Variants in RASGRF2 observed in about 807,000 individuals in gnomAD.
RASGRF2 encodes ras-specific guanine nucleotide-releasing factor 2.
In RASGRF2, 76 loss-of-function variants were observed where a neutral mutation model predicts 151.0. The observed-to-expected ratio is 0.50, with a 90% CI of 0.42 to 0.61. The LOEUF is 0.61. RASGRF2 is among the 20% of genes least tolerant of loss of function. RASGRF2 has a pLI of 0.00. For synonymous variants in RASGRF2, 504 were observed against 566.5 expected, an observed-to-expected ratio of 0.89 and a Z score of 1.57; for missense variants, 1,148 against 1,564.6, an observed-to-expected ratio of 0.73 and a Z score of 4.49.
intron 2 of RASGRF2, among the ~76,000 whole-genome samples, chr5:81,055,719 T>C (rs932288430): frequency 1.3e-5 from 2 of 152,192 alleles, no homozygotes; most frequent in African/African-American, 4.8e-5. Context: ...CAGCTCCTCT[T>C]TGTACCTCTG....
chr5:81,150,087 G>C (rs1276888111), intron 17 of RASGRF2, among the ~76,000 whole-genome samples: 2 of 152,186 alleles, frequency 1.3e-5, no homozygotes, highest in African/African-American at 4.8e-5. Flanking sequence ...CTGATTGCTG[G>C]TGTCTGGTGA....
At chr5:80,985,144 G>A (rs1452343234) in intron 1 of RASGRF2, among the ~76,000 whole-genome samples, 4 of 152,096 alleles carry the variant, frequency 2.6e-5, no homozygotes, top group East Asian at 3.9e-4. Context: ...CCTGGGATGC[G>A]GAGATTGCAG....
At chr5:81,052,917 TTTTC>T (rs895062899) in intron 2 of RASGRF2, among the ~76,000 whole-genome samples, 1 of 152,092 alleles carries the variant, frequency 6.6e-6, no homozygotes, top group Non-Finnish European at 1.5e-5. Flanking sequence ...TAGGTGGAGT[TTTTC>T]TTTCTTTCTT....
At chr5:80,989,366 T>G (rs1327786896) in intron 1 of RASGRF2, among the ~76,000 whole-genome samples, 2 of 152,220 alleles carry the variant, frequency 1.3e-5, no homozygotes, top group Non-Finnish European at 1.5e-5. Context: ...TGAAGTCAGT[T>G]GTATAAAGCC....
intron 17 of RASGRF2, among the ~76,000 whole-genome samples, chr5:81,133,816 C>G (rs758159890): frequency 6.6e-6 from 1 of 152,150 alleles, no homozygotes; most frequent in Non-Finnish European, 1.5e-5. Context: ...GAATCTTTTA[C>G]TGGTAGTTAC....
At chr5:80,971,660 G>A (rs1464430344) in intron 1 of RASGRF2, among the ~76,000 whole-genome samples, 1 of 151,614 alleles carries the variant, frequency 6.6e-6, no homozygotes, top group Admixed American at 6.6e-5. Flanking sequence ...TGACGTCCTG[G>A]GCTCAAGTGA....
chr5:81,008,139 CTTTTTTTTTTTTTTTTTTT>C (rs58105434), intron 1 of RASGRF2, among the ~76,000 whole-genome samples: 1 of 85,388 alleles, frequency 1.2e-5, no homozygotes, highest in Non-Finnish European at 2.2e-5. Flanking sequence ...TCTTTCTTTC[CTTTTTTTTTTTTTTTTTTT>C]TTTTTTTTTT....
rs369530844 is a variant in RASGRF2 at position 81,183,467 on chromosome 5, G to A, written c.2793+3186G>A. On this transcript the variant is annotated intron_variant, in intron 18 of 26. Coordinates refer to ENST00000265080, the MANE Select transcript of RASGRF2 (RefSeq NM_006909.3). The stretch of plus-strand genomic sequence containing the variant: ...CTCTACCCCATGTGGTGCTAGGATA[G>A]CATTTCATCTTCTGGAGCCTTCTAG... Among the ~76,000 whole-genome samples the A allele has an allele frequency of 2.6e-5, 4 of 152,260 alleles. No homozygotes were observed. The South Asian group carries it at 8.3e-4, about 32-fold the overall frequency.
chr5:81,193,935 A>G (rs1445059573), intron 18 of RASGRF2, among the ~76,000 whole-genome samples: 1 of 152,188 alleles, frequency 6.6e-6, no homozygotes, highest in African/African-American at 2.4e-5. Context: ...TAACTGTCTG[A>G]CCTTGGATAA....
chr5:81,097,412 G>A (rs997198466), intron 12 of RASGRF2, among the ~76,000 whole-genome samples: 21 of 152,278 alleles, frequency 1.4e-4, no homozygotes, highest in African/African-American at 4.8e-4. Flanking sequence ...ATATCATGAA[G>A]AAAAGAGACA....
At chr5:81,202,975 T>G (rs1755430711) in intron 19 of RASGRF2, among the ~76,000 whole-genome samples, 1 of 152,402 alleles carries the variant, frequency 6.6e-6, no homozygotes, top group Admixed American at 6.5e-5. Flanking sequence ...TCTGTTGTTT[T>G]AAGCCACCCA....
At chr5:81,016,110 A>AGAGAGCTGG (rs1385797646) in intron 1 of RASGRF2, among the ~76,000 whole-genome samples, 1 of 152,204 alleles carries the variant, frequency 6.6e-6, no homozygotes, top group Non-Finnish European at 1.5e-5. Flanking sequence ...CAAGTAAATG[A>AGAGAGCTGG]GAGAGCTGGG....
chr5:81,136,289 G>T (rs559932173), intron 17 of RASGRF2, among the ~76,000 whole-genome samples: 1 of 151,836 alleles, frequency 6.6e-6, no homozygotes, highest in Non-Finnish European at 1.5e-5. Flanking sequence ...TTTTCTCTGC[G>T]TAAAGAACTT....
Position 81,092,913 on chromosome 5 carries a change from C to T in RASGRF2, c.1503C>T (p.His501=). ...GACAATGCTTCTTATTTACAAAACA[C>T]TTTTTAATATGTACAAGAAGTTCAG... ...GERQCFLFTK[H]FLICTRSSGG... Residue 501 remains histidine, a synonymous_variant, in exon 10 of 27, where the codon CAC becomes CAT. Transcript: ENST00000265080. 6.2e-7 allele frequency: 1 copy of T among 1,613,156 alleles called. No individual in the cohort carries two copies.
chr5:81,061,785 C>T (rs1751441034), intron 2 of RASGRF2, among the ~76,000 whole-genome samples: 1 of 151,948 alleles, frequency 6.6e-6, no homozygotes, highest in Admixed American at 6.6e-5. Flanking sequence ...CTCCCGGGCT[C>T]AAGTTACCCT....
intron 1 of RASGRF2, among the ~76,000 whole-genome samples, chr5:81,019,015 G>A (rs1561557462): frequency 6.6e-6 from 1 of 151,614 alleles, no homozygotes; most frequent in Non-Finnish European, 1.5e-5. Context: ...GGCCAGGCTG[G>A]TCTCAAACTC....
intron 26 of RASGRF2, among the ~76,000 whole-genome samples, chr5:81,222,579 A>C (rs754095888): frequency 6.6e-6 from 1 of 152,140 alleles, no homozygotes; most frequent in African/African-American, 2.4e-5. Context: ...TGGAGTCACC[A>C]TTTTACATTT....
At chr5:81,215,112 GCAGATCACTCGAGGT>G (rs1053153124) in intron 23 of RASGRF2, among the ~76,000 whole-genome samples, 3 of 152,034 alleles carry the variant, frequency 2.0e-5, no homozygotes, top group Non-Finnish European at 2.9e-5. Context: ...GCCGAGGCGG[GCAGATCACTCGAGGT>G]CAGGAGTTTG....
At chr5:81,002,988 C>G (rs1284986753) in intron 1 of RASGRF2, among the ~76,000 whole-genome samples, 1 of 152,106 alleles carries the variant, frequency 6.6e-6, no homozygotes, top group Admixed American at 6.6e-5. Context: ...TGAATTTGGT[C>G]AAAGTAATTA....
Sources: gnomAD v4.1 joint callset for allele counts (sites outside exome capture counted in the v4.1 genomes callset) on GRCh38, gnomAD v4.1.1 for gene constraint, MANE v1.5 for transcripts, NCBI Gene and HGNC (gene_info 2026-07-23, HGNC 2026-07-21) for gene names.